The following ORAI2 variants were observed in gnomAD, a reference collection of about 807,000 sequenced individuals.
ORAI2 encodes the protein ORAI calcium release-activated calcium modulator 2.
Under a neutral mutation model 16.2 loss-of-function variants are expected in ORAI2, and 10 were observed. That is an observed-to-expected ratio of 0.62 (90% CI 0.38 to 1.04). The LOEUF is 1.04. ORAI2 is among the 50% of genes least tolerant of loss of function. The pLI, the probability that ORAI2 is intolerant of heterozygous loss-of-function variation, is 0.01. For missense variants in ORAI2, 238 were observed against 355.5 expected (o/e 0.67, Z 2.66); for synonymous variants, 150 against 157.5 (o/e 0.95, Z 0.35).
rs1269651277 is a variant in ORAI2, at chr7:102,448,590, A to T, written c.*1538A>T. 2 of 152,222 alleles carry T rather than the reference A, an allele frequency of 1.3e-5. No homozygotes were observed. The highest frequency in any genetic ancestry group is 2.9e-5 in the Non-Finnish European group (2 of 68,110). The allele number at this position is 152,222 out of a possible 1,614,324, so 9.4% of individuals were successfully genotyped here. ...GCTGGGCGTGGTGGCGGGCGCCTGT[A>T]GCCCCAGCTACTTGGGAGGCTGAGG... is the stretch of plus-strand genomic sequence containing the variant. On this transcript the variant is annotated 3_prime_UTR_variant, in exon 4 of 4. Transcript: ENST00000495936.
At position 102,456,564 on chromosome 7, in the gene ORAI2, T is replaced by C. The variant is rs1292852839; in HGVS notation, c.*9512T>C. 6.6e-6 allele frequency: 1 copy of C among 152,160 alleles called. No individual in the cohort carries two copies. Among genetic ancestry groups the C allele is most frequent in the Admixed American group, 6.6e-5 (1 of 15,266 alleles). The allele number at this position is 152,160 out of a possible 1,614,324, so 9.4% of individuals were successfully genotyped here. A position where few individuals can be genotyped will look rare whatever the true frequency, so the allele number is the denominator to read the frequency against. ...CGGGAGCTTTAATTTTTCCTACTTG[T>C]TAACAGCGTTATGGGGCTGGAAGGA... On this transcript the variant is annotated 3_prime_UTR_variant, in exon 4 of 4. Transcript: ENST00000495936.
At position 102,449,685 on chromosome 7, in the gene ORAI2, CA is replaced by C. The variant is rs1255445677; in HGVS notation, c.*2635del. Reference sequence around the variant, plus strand: ...TCGTGCCACTGCACTCCAGCCTGGACAACAGAGCAAAACTCTGTCTCAAAAA... The same window carrying C: ...TCGTGCCACTGCACTCCAGCCTGGACACAGAGCAAAACTCTGTCTCAAAAA... On this transcript the variant is annotated 3_prime_UTR_variant, in exon 4 of 4. Transcript: ENST00000495936. 1 of 151,968 alleles carries C rather than the reference CA, an allele frequency of 6.6e-6. No homozygotes were observed. Among genetic ancestry groups the C allele is most frequent in the Non-Finnish European group, 1.5e-5 (1 of 68,046 alleles). The allele number at this position is 151,968 out of a possible 1,614,324, so 9.4% of individuals were successfully genotyped here.
At chr7:102,440,805 T>C (rs1289076642) in intron 3 of ORAI2, among the ~76,000 whole-genome samples, 1 of 152,142 alleles carries the variant, frequency 6.6e-6, no homozygotes, top group African/African-American at 2.4e-5. Context: ...TCAAGTGATT[T>C]TCCCACCTCG....
intron 1 of ORAI2, among the ~76,000 whole-genome samples, chr7:102,435,378 A>G (rs1797033428): frequency 6.6e-6 from 1 of 152,104 alleles, no homozygotes; most frequent in South Asian, 2.1e-4. Context: ...CACTGGGATT[A>G]CAGGCATGAG....
chr7:102,443,753 C>T (rs1797275410), intron 3 of ORAI2, among the ~76,000 whole-genome samples: 1 of 152,164 alleles, frequency 6.6e-6, no homozygotes, highest in Admixed American at 6.6e-5. Flanking sequence ...GTCTCCCAGG[C>T]TGGAGCACAA....
rs552118677 is a variant in ORAI2 at position 102,438,436 on chromosome 7, A to G, written c.-13-508A>G. 1.0e-3 allele frequency among the ~76,000 whole-genome samples: 153 copies of G among 152,360 alleles called. 1 individual carries two copies. Among genetic ancestry groups the G allele is most frequent in the Non-Finnish European group, 1.2e-4 (8 of 68,044 alleles). On this transcript the variant is annotated intron_variant, in intron 2 of 3. Transcript: ENST00000495936. ...AGCCAGGTCAGAAAGGTCAGCTGTC[A>G]TGCTCAGAATCACACAGTAGAGTCA... is the stretch of plus-strand genomic sequence containing the variant.
chr7:102,436,828 A>G (rs1797072256), intron 2 of ORAI2, among the ~76,000 whole-genome samples: 2 of 152,088 alleles, frequency 1.3e-5, no homozygotes, highest in African/African-American at 2.4e-5. Context: ...CTCTTGCCTC[A>G]GCCTCCCGAG....
chr7:102,440,633 C>G (rs1563635251), intron 3 of ORAI2, among the ~76,000 whole-genome samples: 1 of 151,870 alleles, frequency 6.6e-6, no homozygotes, highest in Non-Finnish European at 1.5e-5. Flanking sequence ...CTCCTGAGCT[C>G]AAGCCATCCT....
At chr7:102,434,972 T>A (rs1586705925) in intron 1 of ORAI2, among the ~76,000 whole-genome samples, 1 of 152,196 alleles carries the variant, frequency 6.6e-6, no homozygotes, top group East Asian at 1.9e-4. Flanking sequence ...CCCTCTTTTT[T>A]AAAATTCTTT....
At chr7:102,445,075 C>G (rs990443771) in intron 3 of ORAI2, among the ~76,000 whole-genome samples, 2 of 57,802 alleles carry the variant, frequency 3.5e-5, no homozygotes, top group Non-Finnish European at 5.8e-5. Flanking sequence ...GCTTCCTTAG[C>G]AGACCCAGCC....
chr7:102,451,557 G>A lies in ORAI2; in HGVS notation c.*4505G>A, dbSNP rs924653016. ...GGCAGAGACAGCCACTGTCCTGTGT[G>A]CGGGTTTTTAAAACAGCTGCCCTGG... On this transcript the variant is annotated 3_prime_UTR_variant, in exon 4 of 4. Coordinates refer to ENST00000495936, the MANE Select transcript of ORAI2 (RefSeq NM_001126340.3). 1.3e-5 allele frequency: 2 copies of A among 152,284 alleles called. No individual in the cohort carries two copies. The highest frequency in any genetic ancestry group is 2.9e-5 in the Non-Finnish European group (2 of 68,092). The allele number at this position is 152,284 out of a possible 1,614,324, so 9.4% of individuals were successfully genotyped here.
rs1307860661 is a variant in ORAI2, at chr7:102,449,499, C to T, written c.*2447C>T. On this transcript the variant is annotated 3_prime_UTR_variant, in exon 4 of 4. Transcript: ENST00000495936. ...GCAGGCAGATCACTTGAGATCAGGA[C>T]TTTAAGACCAGCCTCGGCAACAACA... 1 of 151,874 alleles carries T rather than the reference C, an allele frequency of 6.6e-6. No individual in the cohort carries two copies. The highest frequency in any genetic ancestry group is 1.5e-5 in the Non-Finnish European group (1 of 67,988). The allele number at this position is 151,874 out of a possible 1,614,324, so 9.4% of individuals were successfully genotyped here. A position where few individuals can be genotyped will look rare whatever the true frequency, so the allele number is the denominator to read the frequency against.
At chr7:102,444,240 A>T (rs1797285815) in intron 3 of ORAI2, among the ~76,000 whole-genome samples, 1 of 150,596 alleles carries the variant, frequency 6.6e-6, no homozygotes, top group South Asian at 2.1e-4. Context: ...TTATTTTTTT[A>T]TTTTATTTTA....
intron 3 of ORAI2, among the ~76,000 whole-genome samples, chr7:102,446,096 C>A (rs958520598): frequency 6.6e-6 from 1 of 151,918 alleles, no homozygotes; most frequent in Non-Finnish European, 1.5e-5. Context: ...TTACAGGTGC[C>A]TGCCACCACG....
rs1187385309 is a variant in ORAI2, at chr7:102,452,398, G to A, written c.*5346G>A. On this transcript the variant is annotated 3_prime_UTR_variant, in exon 4 of 4. Transcript: ENST00000495936. ...CCCACCTCGGCCTCCCAAAGTGCTG[G>A]GATTACAGGTGTGAGCCAGCTTGCC... is the stretch of plus-strand genomic sequence containing the variant. 1.3e-5 allele frequency: 2 copies of A among 152,216 alleles called. No individual in the cohort carries two copies. Among genetic ancestry groups the A allele is most frequent in the Non-Finnish European group, 2.9e-5 (2 of 68,116 alleles). The allele number at this position is 152,216 out of a possible 1,614,324, so 9.4% of individuals were successfully genotyped here.
In ORAI2 at chr7:102,441,504, A is replaced by G. The variant is rs527877424; in HGVS notation, c.225+2323A>G. ...CACTGAGCCGAGATTGCATCACTGC[A>G]CTCCAGCCTGGGCCATAGAGCGAGA... On this transcript the variant is annotated intron_variant, in intron 3 of 3. Coordinates refer to ENST00000495936, the MANE Select transcript of ORAI2 (RefSeq NM_001126340.3). 6.3e-3 allele frequency among the ~76,000 whole-genome samples: 902 copies of G among 143,602 alleles called. 16 individuals are homozygous for G. Among genetic ancestry groups the G allele is most frequent in the African/African-American group, 0.022 (837 of 38,040 alleles). 94.2% of individuals were successfully genotyped at this position (143,602 alleles called of 152,430 possible). A position where few individuals can be genotyped will look rare whatever the true frequency, so the allele number is the denominator to read the frequency against.
chr7:102,439,007 T>G lies in ORAI2; in HGVS notation c.51T>G (p.Pro17=), dbSNP rs777700013. The G allele has an allele frequency of 6.8e-6, 11 of 1,613,866 alleles. No individual in the cohort carries two copies. Among genetic ancestry groups the G allele is most frequent in the African/African-American group, 1.3e-5 (1 of 74,904 alleles). Reference sequence around the variant, plus strand: ...TCGACCCCTCTGCTCCTGCCTGCCCTGAGCCCGGCCATAAGGGCATGGATT... The same window carrying G: ...TCGACCCCTCTGCTCCTGCCTGCCCGGAGCCCGGCCATAAGGGCATGGATT... The part of the protein sequence containing the change: ...VPIDPSAPAC[P]EPGHKGMDYR... Residue 17 remains proline (P), a synonymous_variant, in exon 3 of 4, where the codon CCT becomes CCG. Transcript: ENST00000495936.
rs985314568 is a variant in ORAI2 at position 102,455,753 on chromosome 7, C to T, written c.*8701C>T. On this transcript the variant is annotated 3_prime_UTR_variant, in exon 4 of 4. Transcript: ENST00000495936. ...CTGGGAGGAAGCCGGGCTCTGTGCT[C>T]TTGCTCCAAGTGAGTTGACCAGGGA... is the stretch of plus-strand genomic sequence containing the variant. The T allele has an allele frequency of 2.0e-5, 3 of 147,602 alleles. No individual in the cohort carries two copies. Among genetic ancestry groups the T allele is most frequent in the African/African-American group, 5.1e-5 (2 of 39,222 alleles). 9.1% of individuals were successfully genotyped at this position (147,602 alleles called of 1,614,324 possible).
At position 102,447,169 on chromosome 7, in the gene ORAI2, C is replaced by T; in HGVS notation, c.*117C>T. ...GGTAGTTCAAGACCAAAGTTTTCCT[C>T]TTGTCTTAATACCATAAGGACTGGA... On this transcript the variant is annotated 3_prime_UTR_variant, in exon 4 of 4. Transcript: ENST00000495936. 8.7e-7 allele frequency: 1 copy of T among 1,142,970 alleles called. No homozygotes were observed. The highest frequency in any genetic ancestry group is 2.9e-5 in the Admixed American group (1 of 34,788). 70.8% of individuals were successfully genotyped at this position (1,142,970 alleles called of 1,614,324 possible).
Sources: gnomAD v4.1 joint callset for allele counts (sites outside exome capture counted in the v4.1 genomes callset) on GRCh38, gnomAD v4.1.1 for gene constraint, MANE v1.5 for transcripts, NCBI Gene and HGNC (gene_info 2026-07-23, HGNC 2026-07-21) for gene names.